Variants in RB1CC1 observed in about 807,000 individuals in gnomAD.
The protein encoded by RB1CC1 is RB1-inducible coiled-coil protein 1.
A neutral mutation model predicts 177.5 loss-of-function variants in RB1CC1; 46 were observed. The ratio of observed to expected loss-of-function variants is 0.26; its 90% confidence interval spans 0.20 to 0.33. The LOEUF (loss-of-function observed/expected upper bound fraction) is 0.33, where lower values mean the gene tolerates loss of function less well. RB1CC1 is among the 10% of genes least tolerant of loss of function. RB1CC1 has a pLI of 1.00. For missense variants in RB1CC1, 1,703 were observed against 1,816.3 expected, an observed-to-expected ratio of 0.94 and a Z score of 1.13; for synonymous variants, 666 against 613.6, an observed-to-expected ratio of 1.09 and a Z score of -1.26.
chr8:52,637,909 G>C (rs1849273886), intron 18 of RB1CC1, among the ~76,000 whole-genome samples: 1 of 152,142 alleles, frequency 6.6e-6, no homozygotes, highest in South Asian at 2.1e-4. Flanking sequence ...GACCTCAGGT[G>C]ATCTGCCTAC....
At chr8:52,651,067 C>A (rs1317866701) in intron 15 of RB1CC1, among the ~76,000 whole-genome samples, 3 of 152,150 alleles carry the variant, frequency 2.0e-5, no homozygotes, top group Non-Finnish European at 4.4e-5. Context: ...ATTACAGAAT[C>A]TTTAATATAT....
chr8:52,652,459 C>CA lies in RB1CC1; in HGVS notation c.3821+3548dup, dbSNP rs35615959. On this transcript the variant is annotated intron_variant, in intron 15 of 23. Transcript: ENST00000025008. ...TGGGCATCAGAGCAAGACTCTGTCT[C>CA]AAAAAAAAAAAAAAAAAAAAGTCTT... 9.1e-3 allele frequency among the ~76,000 whole-genome samples: 845 copies of CA among 92,570 alleles called. 12 individuals are homozygous for CA. The highest frequency in any genetic ancestry group is 0.03 in the African/African-American group (733 of 24,674). 60.7% of individuals were successfully genotyped at this position (92,570 alleles called of 152,430 possible).
chr8:52,669,661 T>G (rs1226664291), intron 7 of RB1CC1, among the ~76,000 whole-genome samples: 4 of 152,254 alleles, frequency 2.6e-5, no homozygotes, highest in African/African-American at 9.6e-5. Flanking sequence ...ATTTTCTCAC[T>G]TTTCTCAATT....
chr8:52,706,291 T>G (rs530920760), intron 1 of RB1CC1, among the ~76,000 whole-genome samples: 1 of 151,700 alleles, frequency 6.6e-6, no homozygotes, highest in South Asian at 2.1e-4. Context: ...CTAGGGGAGT[T>G]CTGCCCCACT....
At position 52,642,683 on chromosome 8, in the gene RB1CC1, AT is replaced by A. The variant is rs1563364438; in HGVS notation, c.4096+20del. ...TTTCCACTTTAAAAAATTAAAAAAA[AT>A]AGTACAAAACAGTACAAACCTTTAT... On this transcript the variant is annotated intron_variant, in intron 17 of 23. Transcript: ENST00000025008. The A allele has an allele frequency of 1.9e-6, 3 of 1,570,550 alleles. No individual in the cohort carries two copies. The highest frequency in any genetic ancestry group is 2.2e-5 in the East Asian group (1 of 44,534).
chr8:52,644,533 G>C (rs1292037422), intron 16 of RB1CC1, among the ~76,000 whole-genome samples: 2 of 152,142 alleles, frequency 1.3e-5, no homozygotes, highest in East Asian at 1.9e-4. Flanking sequence ...TTCTTAGAGA[G>C]AGGTTACTAC....
intron 1 of RB1CC1, among the ~76,000 whole-genome samples, chr8:52,711,200 G>A (rs1472187365): frequency 6.6e-6 from 1 of 152,122 alleles, no homozygotes; most frequent in Non-Finnish European, 1.5e-5. Flanking sequence ...GCCAAGGAAA[G>A]AGGGTACTTG....
chr8:52,657,668 A>T lies in RB1CC1; in HGVS notation c.2161T>A (p.Leu721Met). 6.2e-7 allele frequency: 1 copy of T among 1,614,156 alleles called. No homozygotes were observed. The highest frequency in any genetic ancestry group is 1.3e-5 in the African/African-American group (1 of 75,062). The change falls in exon 15 of 24, where the codon TTG (leucine) becomes ATG (methionine). Residue 721 changes from leucine (L) to methionine (M), a missense_variant. Coordinates refer to ENST00000025008, the MANE Select transcript of RB1CC1 (RefSeq NM_014781.5). ...TCAGGACTTTCTGCTAATGAATCCAAGTCTAAAGAAACTTGGTGAATAGTC... is the reference window on the plus strand; with the variant it reads ...TCAGGACTTTCTGCTAATGAATCCATGTCTAAAGAAACTTGGTGAATAGTC... ...EQTIHQVSLD[L>M]DSLAESPESD...
chr8:52,642,436 G>A lies in RB1CC1; in HGVS notation c.4252C>T (p.Pro1418Ser), dbSNP rs1345112356. 3.7e-6 allele frequency: 6 copies of A among 1,613,984 alleles called. No homozygotes were observed. The highest frequency in any genetic ancestry group is 2.2e-5 in the East Asian group (1 of 44,854). The change falls in exon 18 of 24, where the codon CCA becomes TCA. Residue 1418 changes from proline to serine, a missense_variant. By Grantham distance (74) the Pro-to-Ser change is moderately conservative. Coordinates refer to ENST00000025008, the MANE Select transcript of RB1CC1 (RefSeq NM_014781.5). Reference sequence around the variant, plus strand: ...ACAGCGGATCTATCTGATTCACCTGGGAGTTCAGGTGCACAAGCTCCATAA... The same window carrying A: ...ACAGCGGATCTATCTGATTCACCTGAGAGTTCAGGTGCACAAGCTCCATAA... Reference protein sequence around the residue: ...ELYGACAPELPGESDRSAVET... With the variant: ...ELYGACAPELSGESDRSAVET...
intron 1 of RB1CC1, among the ~76,000 whole-genome samples, chr8:52,690,578 GA>G (rs1288370927): frequency 6.6e-6 from 1 of 152,218 alleles, no homozygotes; most frequent in African/African-American, 2.4e-5. Context: ...GTTGGGATAA[GA>G]AGAGGCCTGA....
chr8:52,631,370 G>A (rs1373537705), intron 20 of RB1CC1, among the ~76,000 whole-genome samples: 2 of 152,198 alleles, frequency 1.3e-5, no homozygotes, highest in Admixed American at 6.5e-5. Flanking sequence ...TCGGAAGTCT[G>A]AGGTGGGAAG....
chr8:52,667,022 T>A (rs1852126562), intron 8 of RB1CC1, among the ~76,000 whole-genome samples: 1 of 152,148 alleles, frequency 6.6e-6, no homozygotes, highest in African/African-American at 2.4e-5. Flanking sequence ...CAAGATGCAC[T>A]ACAAGCCCAA....
chr8:52,624,805 T>A lies in RB1CC1; in HGVS notation c.4637-18A>T. On this transcript the variant is annotated intron_variant, in intron 22 of 23. Coordinates refer to ENST00000025008, the MANE Select transcript of RB1CC1 (RefSeq NM_014781.5). Reference sequence around the variant, plus strand: ...ACCTGAAGCTAATGAAATTAAATAGTTAATCTCTTTTTGAAAGTATGATTA... The same window carrying A: ...ACCTGAAGCTAATGAAATTAAATAGATAATCTCTTTTTGAAAGTATGATTA... 1.4e-6 allele frequency: 2 copies of A among 1,453,718 alleles called. No individual in the cohort carries two copies. The highest frequency in any genetic ancestry group is 2.6e-5 in the South Asian group (2 of 76,772). 90.1% of individuals were successfully genotyped at this position (1,453,718 alleles called of 1,614,324 possible).
At chr8:52,681,211 T>C (rs1383784121) in intron 5 of RB1CC1, among the ~76,000 whole-genome samples, 2 of 152,100 alleles carry the variant, frequency 1.3e-5, no homozygotes, top group Non-Finnish European at 2.9e-5. Context: ...TTAGTCAGGC[T>C]GGTCTCAAAC....
intron 22 of RB1CC1, among the ~76,000 whole-genome samples, chr8:52,625,866 A>G (rs561205921): frequency 1.3e-5 from 2 of 152,322 alleles, no homozygotes; most frequent in East Asian, 3.9e-4. Flanking sequence ...AACTGTCTGT[A>G]TTGTGTTTAG....
chr8:52,631,174 C>T (rs1021148900), intron 20 of RB1CC1, among the ~76,000 whole-genome samples: 2 of 152,086 alleles, frequency 1.3e-5, no homozygotes, highest in African/African-American at 4.8e-5. Flanking sequence ...GGTTGATTTA[C>T]AATCTTACAA....
intron 15 of RB1CC1, among the ~76,000 whole-genome samples, chr8:52,653,037 A>G (rs1850755145): frequency 3.3e-5 from 5 of 152,184 alleles, no homozygotes; most frequent in Admixed American, 3.3e-4. Context: ...AGCCTGGGTA[A>G]CAAGAGCGAA....
At chr8:52,705,311 G>T (rs968462101) in intron 1 of RB1CC1, among the ~76,000 whole-genome samples, 1 of 152,112 alleles carries the variant, frequency 6.6e-6, no homozygotes, top group Non-Finnish European at 1.5e-5. Context: ...TTCATGCAAT[G>T]GTATTATGAC....
intron 1 of RB1CC1, among the ~76,000 whole-genome samples, chr8:52,704,001 AT>A (rs1856331846): frequency 1.3e-5 from 2 of 152,234 alleles, no homozygotes; most frequent in Admixed American, 1.3e-4. Flanking sequence ...ACATGATCCC[AT>A]GAAACTGAAT....
Sources: gnomAD v4.1 joint callset for allele counts (sites outside exome capture counted in the v4.1 genomes callset) on GRCh38, gnomAD v4.1.1 for gene constraint, MANE v1.5 for transcripts, NCBI Gene and HGNC (gene_info 2026-07-23, HGNC 2026-07-21) for gene names.